Variants in ARRDC3 observed in about 807,000 individuals in gnomAD.
ARRDC3 encodes arrestin domain-containing protein 3.
A neutral mutation model predicts 47.2 loss-of-function variants in ARRDC3; 10 were observed. The ratio of observed to expected loss-of-function variants is 0.21; its 90% confidence interval spans 0.13 to 0.36. The LOEUF (loss-of-function observed/expected upper bound fraction) is 0.36. ARRDC3 is among the 10% of genes least tolerant of loss of function. The probability of loss-of-function intolerance (pLI) is 1.00; values close to 1 mark genes in which losing one functional copy is unlikely to be tolerated. For missense variants in ARRDC3, 381 were observed against 503.6 expected (o/e 0.76, Z 2.33); for synonymous variants, 156 against 178.3 (o/e 0.87, Z 1.00).
At position 91,383,271 on chromosome 5, in the gene ARRDC3, C is replaced by T; in HGVS notation, c.-179G>A. 1 of 607,386 alleles carries T rather than the reference C, an allele frequency of 1.6e-6. No homozygotes were observed. The highest frequency in any genetic ancestry group is 2.4e-5 in the South Asian group (1 of 41,514). The allele number at this position is 607,386 out of a possible 1,614,324, so 37.6% of individuals were successfully genotyped here. A position where few individuals can be genotyped will look rare whatever the true frequency, so the allele number is the denominator to read the frequency against. On this transcript the variant is annotated 5_prime_UTR_variant, in exon 1 of 8. Transcript: ENST00000265138. ...TCTTAAAAAGTCAGGGCAGCAGAGG[C>T]TGCTGCTCCGCGCTCCCGCTCGTCT...
At chr5:91,376,198 A>G (rs1331098028) in intron 3 of ARRDC3, among the ~76,000 whole-genome samples, 1 of 152,210 alleles carries the variant, frequency 6.6e-6, no homozygotes, top group South Asian at 2.1e-4. Context: ...ATGATTCCCC[A>G]TTATTTGACA....
rs1481694681 is a variant in ARRDC3, at chr5:91,370,149, T to C, written c.*1251A>G. ...TCTATTCATAACCTCAATGTATGTA[T>C]TCCTGCTCATTAATATACTTTGCAC... is the stretch of plus-strand genomic sequence containing the variant. On this transcript the variant is annotated 3_prime_UTR_variant, in exon 8 of 8. Coordinates refer to ENST00000265138, the MANE Select transcript of ARRDC3 (RefSeq NM_020801.4). 2 of 152,296 alleles carry C rather than the reference T, an allele frequency of 1.3e-5. No homozygotes were observed. Among genetic ancestry groups the C allele is most frequent in the Non-Finnish European group, 2.9e-5 (2 of 68,030 alleles). 9.4% of individuals were successfully genotyped at this position (152,296 alleles called of 1,614,324 possible). A position where few individuals can be genotyped will look rare whatever the true frequency, so the allele number is the denominator to read the frequency against.
At chr5:91,375,209 T>C (rs757497367) in intron 4 of ARRDC3, 31 bp from the exon 5 acceptor site, 1 of 1,577,496 alleles carries the variant, frequency 6.3e-7, no homozygotes, top group Non-Finnish European at 8.6e-7. Context: ...ACATATCTAC[T>C]GTTAGAAAAA....
chr5:91,378,478 AAAG>A lies in ARRDC3; in HGVS notation c.362+213_362+215del, dbSNP rs1799357597. Among the ~76,000 whole-genome samples, 4 of 152,132 alleles carry A rather than the reference AAAG, an allele frequency of 2.6e-5. No homozygotes were observed. In the South Asian group the frequency reaches 8.3e-4, roughly 31 times the overall value. ...TTTTAAAAACCTCATAAACTTTAGG[AAAG>A]AATACTGAAAATTGAGTATGCTTTC... On this transcript the variant is annotated intron_variant, in intron 2 of 7. Transcript: ENST00000265138.
intron 1 of ARRDC3, chr5:91,380,966 AC>A (rs1427988095): frequency 1.3e-5 from 2 of 152,116 alleles, no homozygotes; most frequent in Non-Finnish European, 2.9e-5. Context: ...AGGAACCTTT[AC>A]CGGCGCACGC....
intron 1 of ARRDC3, among the ~76,000 whole-genome samples, chr5:91,382,255 A>C (rs1371551926): frequency 1.3e-5 from 2 of 152,262 alleles, no homozygotes; most frequent in African/African-American, 4.8e-5. Context: ...TAAAGAATAG[A>C]GAAAAAACAC....
In ARRDC3 at chr5:91,371,323, C is replaced by G; in HGVS notation, c.*77G>C. 1 of 1,330,340 alleles carries G rather than the reference C, an allele frequency of 7.5e-7. No individual in the cohort carries two copies. The highest frequency in any genetic ancestry group is 1.1e-6 in the Non-Finnish European group (1 of 940,252). 82.4% of individuals were successfully genotyped at this position (1,330,340 alleles called of 1,614,324 possible). On this transcript the variant is annotated 3_prime_UTR_variant, in exon 8 of 8. Coordinates refer to ENST00000265138, the MANE Select transcript of ARRDC3 (RefSeq NM_020801.4). ...ATTCCACTTCCTCTGAAACGTGTCT[C>G]CAAGATACTTCTCTGTCCTCAGCCG... is the stretch of plus-strand genomic sequence containing the variant.
Position 91,373,586 on chromosome 5 carries a change from T to G in ARRDC3, c.1188+98A>C, listed in dbSNP as rs559324200. 1.3e-5 allele frequency: 15 copies of G among 1,182,064 alleles called. No homozygotes were observed. The Admixed American group carries it at 3.1e-4, about 25-fold the overall frequency. 73.2% of individuals were successfully genotyped at this position (1,182,064 alleles called of 1,614,324 possible). A position where few individuals can be genotyped will look rare whatever the true frequency, so the allele number is the denominator to read the frequency against. ...TTTTAAATTATTTGTTCTGTTAACA[T>G]GATAATCAAGATCTAATAACATTAA... On this transcript the variant is annotated intron_variant, in intron 7 of 7. Transcript: ENST00000265138.
chr5:91,380,300 C>T (rs990362572), intron 1 of ARRDC3: 2 of 152,956 alleles, frequency 1.3e-5, no homozygotes, highest in East Asian at 3.9e-4. Flanking sequence ...GCCCGCGCAA[C>T]CTAGCCTGCT....
intron 2 of ARRDC3, among the ~76,000 whole-genome samples, chr5:91,378,351 A>G (rs1175867983): frequency 2.0e-5 from 3 of 152,098 alleles, no homozygotes; most frequent in Non-Finnish European, 4.4e-5. Context: ...GATAGGGTCT[A>G]TCTTTTCTCA....
intron 7 of ARRDC3, 105 bp downstream of exon 7, chr5:91,373,579 G>A: frequency 8.8e-7 from 1 of 1,133,786 alleles, no homozygotes; most frequent in Non-Finnish European, 1.3e-6. Context: ...TATTTGTTCT[G>A]TTAACATGAT....
Position 91,382,865 on chromosome 5 carries a change from A to C in ARRDC3, c.228T>G (p.Thr76=), listed in dbSNP as rs1465798064. The C allele has an allele frequency of 6.2e-7, 1 of 1,613,954 alleles. No homozygotes were observed. The highest frequency in any genetic ancestry group is 8.5e-7 in the Non-Finnish European group (1 of 1,179,994). Residue 76 remains threonine, a synonymous_variant, in exon 1 of 8, where the codon ACT becomes ACG. Coordinates refer to ENST00000265138, the MANE Select transcript of ARRDC3 (RefSeq NM_020801.4). ...GSNTAYTQNY[T]EEVEYFNHKD... ...TATGGTTGAAATACTCTACTTCTTCAGTGTAATTCTGTGTATAGGCAGTAT... is the reference window on the plus strand; with the variant it reads ...TATGGTTGAAATACTCTACTTCTTCCGTGTAATTCTGTGTATAGGCAGTAT...
intron 7 of ARRDC3, among the ~76,000 whole-genome samples, 154 bp from the exon 8 acceptor site, chr5:91,371,610 T>C (rs756410395): frequency 6.6e-6 from 1 of 152,202 alleles, no homozygotes; most frequent in Admixed American, 6.5e-5. Flanking sequence ...TCTCTTTTCA[T>C]ACGTGAAATG....
chr5:91,371,510 G>T (rs893430137), intron 7 of ARRDC3, 54 bp from the exon 8 acceptor site: 16 of 1,396,048 alleles, frequency 1.1e-5, no homozygotes, highest in East Asian at 2.3e-5. Flanking sequence ...GGTCTAGGAA[G>T]AATGTAGCAA....
rs1226736999 is a variant in ARRDC3 at position 91,375,580 on chromosome 5, A to G, written c.544T>C (p.Cys182Arg). 6.2e-7 allele frequency: 1 copy of G among 1,610,520 alleles called. No homozygotes were observed. The highest frequency in any genetic ancestry group is 8.5e-7 in the Non-Finnish European group (1 of 1,178,028). The change falls in exon 4 of 8, where the codon TGT (cysteine) becomes CGT (arginine). Residue 182 changes from cysteine (C) to arginine (R), a missense_variant. By Grantham distance (180) the Cys-to-Arg change is radical. Transcript: ENST00000265138. ...PQAGTKEKTLCCWFCTSGPIS... is the reference protein window; with the variant it reads ...PQAGTKEKTLRCWFCTSGPIS... ...GGGCCTGAGGTACAGAACCAGCAACAGAGTGTCTTTTCTTTTGTGCCTGCT... is the reference window on the plus strand; with the variant it reads ...GGGCCTGAGGTACAGAACCAGCAACGGAGTGTCTTTTCTTTTGTGCCTGCT...
Position 91,372,995 on chromosome 5 carries a change from C to T in ARRDC3, c.1188+689G>A, listed in dbSNP as rs559461438. On this transcript the variant is annotated intron_variant, in intron 7 of 7. Transcript: ENST00000265138. ...TGTTCTTCCTGCCTTTTGAGGACTA[C>T]TCATTCTTCAAAATTCAGCTTAATA... is the stretch of plus-strand genomic sequence containing the variant. 1.3e-3 allele frequency among the ~76,000 whole-genome samples: 196 copies of T among 152,302 alleles called. 1 individual carries two copies. Among genetic ancestry groups the T allele is most frequent in the Non-Finnish European group, 7.1e-4 (48 of 68,004 alleles).
intron 1 of ARRDC3, 62 bp downstream of exon 1, chr5:91,382,751 A>C: frequency 6.6e-7 from 1 of 1,507,636 alleles, no homozygotes; most frequent in South Asian, 1.2e-5. Context: ...TAATTCAGAA[A>C]ACTGAAAAGG....
rs1314917249 is a variant in ARRDC3 at position 91,375,013 on chromosome 5, G to A, written c.779C>T (p.Thr260Ile). The change falls in exon 5 of 8, where the codon ACA becomes ATA. Residue 260 changes from threonine (T) to isoleucine (I), a missense_variant. Transcript: ENST00000265138. ...LRGESLSSGK[T>I]ETWNGKLLKI... ...CAGCAACTTGCCATTCCACGTCTCTGTCTTTCCAGATGATAAGGATTCCCC... is the reference window on the plus strand; with the variant it reads ...CAGCAACTTGCCATTCCACGTCTCTATCTTTCCAGATGATAAGGATTCCCC... 1 of 1,614,220 alleles carries A rather than the reference G, an allele frequency of 6.2e-7. No individual in the cohort carries two copies.
intron 2 of ARRDC3, among the ~76,000 whole-genome samples, 199 bp from the exon 3 acceptor site, chr5:91,376,967 T>C (rs547392791): frequency 1.3e-5 from 2 of 152,172 alleles, no homozygotes; most frequent in Non-Finnish European, 2.9e-5. Flanking sequence ...ACAATAAATA[T>C]CTTTAAAATT....
Sources: allele counts gnomAD v4.1 joint callset (sites outside exome capture counted in the v4.1 genomes callset), GRCh38; gene constraint gnomAD v4.1.1; transcripts MANE v1.5; gene names NCBI Gene and HGNC (gene_info 2026-07-23, HGNC 2026-07-21).